UBE2K: variants seen among roughly 807,000 people sequenced by gnomAD.
UBE2K encodes the protein ubiquitin conjugating enzyme E2 K.
UBE2K carries 6 observed loss-of-function variants against 30.0 expected under a neutral mutation model. The observed-to-expected ratio is 0.20, with a 90% CI of 0.11 to 0.39. UBE2K has a LOEUF of 0.39. Among genes scored for constraint, UBE2K ranks in the 10% least tolerant of loss-of-function variants. The pLI is 1.00. For missense variants in UBE2K, 61 were observed against 241.6 expected (o/e 0.25, Z 4.96); for synonymous variants, 86 against 83.7 (o/e 1.03, Z -0.15).
At chr4:39,699,455 A>G (rs1717887199) in intron 1 of UBE2K, among the ~76,000 whole-genome samples, 1 of 152,198 alleles carries the variant, frequency 6.6e-6, no homozygotes, top group South Asian at 2.1e-4. Context: ...CAGAATTTAG[A>G]TACATTTGTA....
At chr4:39,725,218 A>G (rs561941548) in intron 1 of UBE2K, among the ~76,000 whole-genome samples, 5 of 152,012 alleles carry the variant, frequency 3.3e-5, no homozygotes, top group African/African-American at 9.6e-5. Flanking sequence ...AACCGTCTCT[A>G]CAGAAAATAC....
chr4:39,712,368 A>ATTTTTT (rs60301036), intron 1 of UBE2K, among the ~76,000 whole-genome samples: 8 of 53,634 alleles, frequency 1.5e-4, no homozygotes, highest in African/African-American at 6.5e-4. Flanking sequence ...CGCCCGGCCA[A>ATTTTTT]TTTTTTTTTT....
At position 39,717,238 on chromosome 4, in the gene UBE2K, CT is replaced by C. The variant is rs879798081; in HGVS notation, c.63+18861del. Among the ~76,000 whole-genome samples the C allele has an allele frequency of 1.6e-3, 231 of 144,754 alleles. 1 individual carries two copies. The highest frequency in any genetic ancestry group is 3.6e-3 in the Middle Eastern group (1 of 278). 95.0% of individuals were successfully genotyped at this position (144,754 alleles called of 152,430 possible). ...GTCTCTCCCAGCTTTTCTTTTCTTT[CT>C]TTTTTTTTTTTTAAGATGGACTCTC... On this transcript the variant is annotated intron_variant, in intron 1 of 6. Coordinates refer to ENST00000261427, the MANE Select transcript of UBE2K (RefSeq NM_005339.5).
chr4:39,739,189 G>A (rs1720538782), intron 2 of UBE2K, among the ~76,000 whole-genome samples: 3 of 151,692 alleles, frequency 2.0e-5, no homozygotes, highest in East Asian at 1.9e-4. Flanking sequence ...CACCATGCCC[G>A]GCTAATTTTT....
intron 1 of UBE2K, among the ~76,000 whole-genome samples, chr4:39,726,898 C>T (rs1041013783): frequency 6.6e-5 from 10 of 152,120 alleles, no homozygotes; most frequent in African/African-American, 2.2e-4. Flanking sequence ...TACCTGTCCC[C>T]TTCTAGATTA....
rs80086260 is a variant in UBE2K, at chr4:39,759,660, G to A, written c.299+3921G>A. 9.4e-3 allele frequency among the ~76,000 whole-genome samples: 1,427 copies of A among 152,256 alleles called. 20 individuals are homozygous for A. The highest frequency in any genetic ancestry group is 0.033 in the African/African-American group (1,365 of 41,552). Reference sequence around the variant, plus strand: ...AATGTTTTCCACTGACACTTACTATGACTAATGGTGTCTACTTACCTGGGG... The same window carrying A: ...AATGTTTTCCACTGACACTTACTATAACTAATGGTGTCTACTTACCTGGGG... On this transcript the variant is annotated intron_variant, in intron 4 of 6. Transcript: ENST00000261427.
intron 1 of UBE2K, among the ~76,000 whole-genome samples, chr4:39,721,654 G>A (rs982604280): frequency 7.2e-5 from 11 of 152,160 alleles, no homozygotes; most frequent in African/African-American, 2.7e-4. Flanking sequence ...ACCATACCCA[G>A]TCAACTTTTA....
chr4:39,759,273 T>TTTA (rs199850978), intron 4 of UBE2K, among the ~76,000 whole-genome samples: 1 of 152,132 alleles, frequency 6.6e-6, no homozygotes, highest in African/African-American at 2.4e-5. Context: ...AGTATATTTG[T>TTTA]TTATTATTAT....
intron 1 of UBE2K, among the ~76,000 whole-genome samples, chr4:39,715,781 C>T (rs576259848): frequency 5.9e-5 from 9 of 152,164 alleles, no homozygotes; most frequent in Non-Finnish European, 1.0e-4. Flanking sequence ...AAGGCATTCT[C>T]GGACCCAGGT....
chr4:39,701,399 C>T (rs1718002590), intron 1 of UBE2K, among the ~76,000 whole-genome samples: 1 of 152,088 alleles, frequency 6.6e-6, no homozygotes, highest in East Asian at 1.9e-4. Context: ...TAACTAGCTG[C>T]CATTTGTAGA....
intron 4 of UBE2K, among the ~76,000 whole-genome samples, chr4:39,772,435 C>T (rs1032450062): frequency 2.0e-5 from 3 of 149,524 alleles, no homozygotes; most frequent in South Asian, 2.1e-4. Context: ...ATTAGCTGGG[C>T]GTGGTGGTGT....
intron 3 of UBE2K, among the ~76,000 whole-genome samples, chr4:39,753,842 G>A (rs185541939): frequency 1.1e-4 from 16 of 152,230 alleles, no homozygotes; most frequent in Non-Finnish European, 1.8e-4. Context: ...GGGCTTGGCC[G>A]GGCATGATGG....
intron 2 of UBE2K, among the ~76,000 whole-genome samples, chr4:39,739,442 A>ATTTTTTTTTTTTTT (rs35957337): frequency 1.9e-5 from 2 of 105,782 alleles, no homozygotes; most frequent in Non-Finnish European, 3.7e-5. Context: ...CTGTTTATTC[A>ATTTTTTTTTTTTTT]TTTTTTTTTT....
At chr4:39,728,181 A>G (rs1164197520) in intron 1 of UBE2K, among the ~76,000 whole-genome samples, 1 of 152,100 alleles carries the variant, frequency 6.6e-6, no homozygotes, top group Non-Finnish European at 1.5e-5. Flanking sequence ...CTCTTGAATC[A>G]GTTTTAAAAC....
At chr4:39,716,437 C>T (rs1236710952) in intron 1 of UBE2K, among the ~76,000 whole-genome samples, 1 of 152,122 alleles carries the variant, frequency 6.6e-6, no homozygotes, top group African/African-American at 2.4e-5. Flanking sequence ...TTTGTGGAGA[C>T]AGGGTTTTGC....
chr4:39,736,477 G>A (rs543650086), intron 1 of UBE2K, among the ~76,000 whole-genome samples: 11 of 152,268 alleles, frequency 7.2e-5, no homozygotes, highest in African/African-American at 2.6e-4. Context: ...AAAGGAAGAT[G>A]TAACCTGTTC....
At chr4:39,740,955 G>A (rs1720671064) in intron 2 of UBE2K, among the ~76,000 whole-genome samples, 1 of 151,512 alleles carries the variant, frequency 6.6e-6, no homozygotes, top group Non-Finnish European at 1.5e-5. Flanking sequence ...CCGAGAATGG[G>A]ACCAAAAGTT....
At position 39,701,639 on chromosome 4, in the gene UBE2K, G is replaced by A. The variant is rs571529898; in HGVS notation, c.63+3249G>A. 1.5e-4 allele frequency among the ~76,000 whole-genome samples: 23 copies of A among 152,182 alleles called. No homozygotes were observed. The South Asian group carries it at 3.7e-3, about 25-fold the overall frequency. ...ATGCTTTTAATTAATTTAAAAAATC[G>A]AGCCTGGTTTGTATTACTGGTTAAA... On this transcript the variant is annotated intron_variant, in intron 1 of 6. Coordinates refer to ENST00000261427, the MANE Select transcript of UBE2K (RefSeq NM_005339.5).
At chr4:39,706,820 G>A (rs1325674056) in intron 1 of UBE2K, among the ~76,000 whole-genome samples, 1 of 150,154 alleles carries the variant, frequency 6.7e-6, no homozygotes, top group Non-Finnish European at 1.5e-5. Flanking sequence ...TAATTGGTTG[G>A]AGATACAGGA....
Sources: allele counts gnomAD v4.1 joint callset (sites outside exome capture counted in the v4.1 genomes callset), GRCh38; gene constraint gnomAD v4.1.1; transcripts MANE v1.5; gene names NCBI Gene and HGNC (gene_info 2026-07-23, HGNC 2026-07-21).